Variants in SCAI observed in about 807,000 individuals in gnomAD.
SCAI encodes protein SCAI.
SCAI carries 24 observed loss-of-function variants against 92.2 expected under a neutral mutation model. The ratio of observed to expected loss-of-function variants is 0.26; its 90% CI spans 0.19 to 0.37. SCAI has a LOEUF of 0.37. Among genes scored for constraint, SCAI ranks in the 10% least tolerant of loss-of-function variants. SCAI has a pLI of 1.00. For synonymous variants in SCAI, 261 were observed against 258.6 expected, an observed-to-expected ratio of 1.01 and a Z score of -0.09; for missense variants, 450 against 736.2, an observed-to-expected ratio of 0.61 and a Z score of 4.50.
chr9:125,006,787 A>C (rs943036651), intron 9 of SCAI, among the ~76,000 whole-genome samples: 1 of 152,050 alleles, frequency 6.6e-6, no homozygotes, highest in Non-Finnish European at 1.5e-5. Flanking sequence ...ACTGCACCTG[A>C]CCTATACTTT....
intron 7 of SCAI, among the ~76,000 whole-genome samples, chr9:125,020,072 CA>C (rs11298022): frequency 0.61 from 67,861 of 111,784 alleles, 16,236 homozygotes; most frequent in Admixed American, 0.65. Flanking sequence ...GACCTTGTCT[CA>C]AAAAAAAAAA....
intron 14 of SCAI, among the ~76,000 whole-genome samples, chr9:124,977,125 T>C (rs1225055343): frequency 6.6e-6 from 1 of 152,060 alleles, no homozygotes; most frequent in Non-Finnish European, 1.5e-5. Context: ...CACCTCGGCC[T>C]CCCAAAATGC....
intron 3 of SCAI, among the ~76,000 whole-genome samples, chr9:125,054,856 T>G (rs1833632265): frequency 6.6e-6 from 1 of 152,008 alleles, no homozygotes; most frequent in Non-Finnish European, 1.5e-5. Context: ...AGAGAAACAG[T>G]GACAAACAGG....
At chr9:125,079,106 T>C (rs1051869863) in intron 2 of SCAI, among the ~76,000 whole-genome samples, 1 of 152,170 alleles carries the variant, frequency 6.6e-6, no homozygotes, top group African/African-American at 2.4e-5. Context: ...ATTTCTGATA[T>C]TCATCTATTT....
rs1459200926 is a variant in SCAI, at chr9:124,945,417, T to C, written c.*7390A>G. On this transcript the variant is annotated 3_prime_UTR_variant, in exon 18 of 18. Transcript: ENST00000336505. The stretch of plus-strand genomic sequence containing the variant: ...CTAAAAATACAAAATTAGCTGGTCG[T>C]GGTGGCACACGCCTGTAATCCCAGC... 6.6e-6 allele frequency: 1 copy of C among 152,022 alleles called. No homozygotes were observed. The highest frequency in any genetic ancestry group is 1.5e-5 in the Non-Finnish European group (1 of 68,042). The allele number at this position is 152,022 out of a possible 1,614,324, so 9.4% of individuals were successfully genotyped here. A position where few individuals can be genotyped will look rare whatever the true frequency, so the allele number is the denominator to read the frequency against.
chr9:125,012,348 A>C (rs1832657076), intron 9 of SCAI, among the ~76,000 whole-genome samples: 1 of 152,104 alleles, frequency 6.6e-6, no homozygotes, highest in African/African-American at 2.4e-5. Flanking sequence ...TCTACCAAGC[A>C]AATGGAAAAC....
intron 14 of SCAI, among the ~76,000 whole-genome samples, chr9:124,983,306 G>A (rs577362236): frequency 6.6e-6 from 1 of 152,116 alleles, no homozygotes; most frequent in South Asian, 2.1e-4. Flanking sequence ...AAACAAAACA[G>A]AAAAAACTCT....
intron 2 of SCAI, among the ~76,000 whole-genome samples, chr9:125,120,105 T>C (rs1396017342): frequency 8.5e-5 from 13 of 152,152 alleles, no homozygotes; most frequent in Admixed American, 6.6e-5. Flanking sequence ...GCTTCACCAC[T>C]AGATGGGAGG....
Position 124,944,455 on chromosome 9 carries a change from A to G in SCAI, c.*8352T>C, listed in dbSNP as rs1431598418. 1 of 132,084 alleles carries G rather than the reference A, an allele frequency of 7.6e-6. No homozygotes were observed. Among genetic ancestry groups the G allele is most frequent in the East Asian group, 2.2e-4 (1 of 4,540 alleles). The allele number at this position is 132,084 out of a possible 1,614,324, so 8.2% of individuals were successfully genotyped here. On this transcript the variant is annotated 3_prime_UTR_variant, in exon 18 of 18. Coordinates refer to ENST00000336505, the MANE Select transcript of SCAI (RefSeq NM_001144877.3). Reference sequence around the variant, plus strand: ...GCTGGGATTACAGGCGCACACCACCATGCCTGGCTAATTTTTTTTTTTTTT... The same window carrying G: ...GCTGGGATTACAGGCGCACACCACCGTGCCTGGCTAATTTTTTTTTTTTTT...
At chr9:125,067,501 C>A (rs1173455633) in intron 2 of SCAI, among the ~76,000 whole-genome samples, 4 of 152,062 alleles carry the variant, frequency 2.6e-5, no homozygotes, top group African/African-American at 9.7e-5. Context: ...CAGCTTCAAG[C>A]CAAGGAACGC....
chr9:124,952,890 G>A lies in SCAI; in HGVS notation c.1738C>T (p.His580Tyr). 3 of 1,611,436 alleles carry A rather than the reference G, an allele frequency of 1.9e-6. No homozygotes were observed. Among genetic ancestry groups the A allele is most frequent in the African/African-American group, 1.3e-5 (1 of 74,988 alleles). Residue 580 changes from histidine (H) to tyrosine (Y), a missense_variant, in exon 18 of 18, where the codon CAT becomes TAT. By Grantham distance (83) the His-to-Tyr change is moderately conservative. Coordinates refer to ENST00000336505, the MANE Select transcript of SCAI (RefSeq NM_001144877.3). ...LPRDETVENP[H>Y]LQKHILELAS... The stretch of plus-strand genomic sequence containing the variant: ...AATTCCAAAATGTGCTTCTGGAGAT[G>A]AGGATTCTCCACTGTTTCATCCCTT...
At chr9:125,029,078 A>T (rs1833019895) in intron 4 of SCAI, among the ~76,000 whole-genome samples, 1 of 152,148 alleles carries the variant, frequency 6.6e-6, no homozygotes, top group South Asian at 2.1e-4. Flanking sequence ...GATTACAGAC[A>T]GGAGCCACTG....
At chr9:125,059,130 A>C (rs894467335) in intron 2 of SCAI, among the ~76,000 whole-genome samples, 1 of 152,236 alleles carries the variant, frequency 6.6e-6, no homozygotes, top group Non-Finnish European at 1.5e-5. Context: ...CACTGCCTTG[A>C]TCAAATGATC....
At chr9:124,968,685 G>A in intron 17 of SCAI, 4 of 1,361,254 alleles carry the variant, frequency 2.9e-6, no homozygotes, top group Admixed American at 3.4e-5. Context: ...CAAAGTTCCC[G>A]ATTTCCTCAA....
In SCAI at chr9:125,100,051, C is replaced by T. The variant is rs556151971; in HGVS notation, c.98+42582G>A. On this transcript the variant is annotated intron_variant, in intron 2 of 17. Coordinates refer to ENST00000336505, the MANE Select transcript of SCAI (RefSeq NM_001144877.3). ...GCTTTCAATTTATCTGGGCACACGC[C>T]CAGAAGTTGAGTGGCTGGATCATAT... 3.9e-5 allele frequency among the ~76,000 whole-genome samples: 6 copies of T among 152,274 alleles called. 1 individual carries two copies. In the South Asian group the frequency reaches 1.2e-3, roughly 32 times the overall value.
rs927987610 is a variant in SCAI, at chr9:125,091,072, G to A, written c.99-35065C>T. On this transcript the variant is annotated intron_variant, in intron 2 of 17. Coordinates refer to ENST00000336505, the MANE Select transcript of SCAI (RefSeq NM_001144877.3). This position sits in a 1 kb window ranked among gnomAD's most constrained non-coding sequence, Gnocchi z 4.3. ...GCGGAGCTTGCAGTGAGCTGAGATC[G>A]CGCCACTGCACTCCAGCCTGGGTGA... is the stretch of plus-strand genomic sequence containing the variant. 1.3e-5 allele frequency among the ~76,000 whole-genome samples: 2 copies of A among 152,068 alleles called. No homozygotes were observed. Among genetic ancestry groups the A allele is most frequent in the African/African-American group, 2.4e-5 (1 of 41,428 alleles).
At chr9:125,006,983 G>A (rs538147540) in intron 9 of SCAI, among the ~76,000 whole-genome samples, 15 of 152,174 alleles carry the variant, frequency 9.9e-5, no homozygotes, top group South Asian at 2.1e-4. Context: ...AGCTGGGCGC[G>A]TAGGGCGTGC....
At chr9:125,112,575 G>A (rs1834954304) in intron 2 of SCAI, among the ~76,000 whole-genome samples, 1 of 152,190 alleles carries the variant, frequency 6.6e-6, no homozygotes, top group African/African-American at 2.4e-5. Context: ...TGACAAACAG[G>A]ATATATAAAT....
chr9:125,028,496 C>A lies in SCAI; in HGVS notation c.327-18G>T. 1 of 1,411,934 alleles carries A rather than the reference C, an allele frequency of 7.1e-7. No homozygotes were observed. Among genetic ancestry groups the A allele is most frequent in the Non-Finnish European group, 9.6e-7 (1 of 1,045,048 alleles). 87.5% of individuals were successfully genotyped at this position (1,411,934 alleles called of 1,614,324 possible). On this transcript the variant is annotated intron_variant, in intron 4 of 17. Coordinates refer to ENST00000336505, the MANE Select transcript of SCAI (RefSeq NM_001144877.3). ...AGACTTGTCTGTTTTATATAGGATACAAGAAAATAGAAATGAGTCTATAAA... is the reference window on the plus strand; with the variant it reads ...AGACTTGTCTGTTTTATATAGGATAAAAGAAAATAGAAATGAGTCTATAAA...
Sources: allele counts gnomAD v4.1 joint callset (sites outside exome capture counted in the v4.1 genomes callset), GRCh38; gene constraint gnomAD v4.1.1; non-coding constraint Gnocchi (gnomAD v3.1); transcripts MANE v1.5; gene names NCBI Gene and HGNC (gene_info 2026-07-23, HGNC 2026-07-21).